The following SETBP1 variants were observed in gnomAD, a reference collection of about 807,000 sequenced individuals.
SETBP1 encodes SET-binding protein.
In SETBP1, 9 loss-of-function variants were observed where a neutral mutation model predicts 101.0. That is an observed-to-expected ratio of 0.09 (90% confidence interval 0.05 to 0.16). The LOEUF (loss-of-function observed/expected upper bound fraction) is 0.16. Ranked by LOEUF, SETBP1 falls within the 10% of genes least tolerant of loss-of-function variation. SETBP1 has a pLI of 1.00. For missense variants in SETBP1, 1,858 were observed against 2,033.8 expected (o/e 0.91, Z 1.66); for synonymous variants, 818 against 788.5 (o/e 1.04, Z -0.63).
chr18:44,685,282 T>C (rs1177137247), intron 1 of SETBP1, among the ~76,000 whole-genome samples: 1 of 152,262 alleles, frequency 6.6e-6, no homozygotes, highest in Non-Finnish European at 1.5e-5. Flanking sequence ...GTCCAACTTA[T>C]CTTTTCCCAC....
At chr18:44,913,215 G>T (rs970908213) in intron 3 of SETBP1, among the ~76,000 whole-genome samples, 2 of 152,122 alleles carry the variant, frequency 1.3e-5, no homozygotes, top group African/African-American at 4.8e-5. Flanking sequence ...CTTCCCATAC[G>T]CCCACAGAAC....
chr18:44,928,554 A>G (rs898311467), intron 3 of SETBP1, among the ~76,000 whole-genome samples: 17 of 152,228 alleles, frequency 1.1e-4, no homozygotes, highest in Admixed American at 2.6e-4. Flanking sequence ...CAACAGTGTA[A>G]AAGCATTCCT....
At chr18:44,867,939 A>G (rs760805147) in intron 2 of SETBP1, among the ~76,000 whole-genome samples, 4 of 152,220 alleles carry the variant, frequency 2.6e-5, no homozygotes, top group Non-Finnish European at 4.4e-5. Flanking sequence ...TACAGCAAAC[A>G]TGAAGTCTTT....
chr18:45,061,931 T>G (rs2073896659), intron 5 of SETBP1, among the ~76,000 whole-genome samples: 1 of 152,222 alleles, frequency 6.6e-6, no homozygotes, highest in Non-Finnish European at 1.5e-5. Context: ...AAGAACTCAG[T>G]GAAGACACAC....
intron 5 of SETBP1, among the ~76,000 whole-genome samples, chr18:45,053,153 A>C (rs943272900): frequency 2.0e-5 from 3 of 152,200 alleles, no homozygotes; most frequent in African/African-American, 4.8e-5. Flanking sequence ...CAGTTTTTAA[A>C]AAATGTAGCT....
intron 4 of SETBP1, among the ~76,000 whole-genome samples, chr18:44,974,397 G>A (rs1484621730): frequency 6.6e-6 from 1 of 152,202 alleles, no homozygotes; most frequent in East Asian, 1.9e-4. Flanking sequence ...AAGGAGGGGA[G>A]GGAGATGAGA....
At chr18:44,845,557 A>G (rs1427705068) in intron 2 of SETBP1, among the ~76,000 whole-genome samples, 3 of 152,118 alleles carry the variant, frequency 2.0e-5, no homozygotes, top group Admixed American at 1.3e-4. Flanking sequence ...TCAAAGGAGG[A>G]AGACTGCTGC....
intron 4 of SETBP1, among the ~76,000 whole-genome samples, chr18:44,965,284 A>AACACACAC (rs60728043): frequency 0.027 from 3,916 of 147,074 alleles, 61 homozygotes; most frequent in African/African-American, 0.034. Flanking sequence ...CATGCACACA[A>AACACACAC]ACACACACAC....
At chr18:44,783,594 CT>C (rs1009493309) in intron 2 of SETBP1, among the ~76,000 whole-genome samples, 1 of 152,160 alleles carries the variant, frequency 6.6e-6, no homozygotes, top group African/African-American at 2.4e-5. Flanking sequence ...TAAACAGAGC[CT>C]ATGCACAAAA....
intron 5 of SETBP1, among the ~76,000 whole-genome samples, chr18:45,040,448 G>A (rs895036277): frequency 6.6e-6 from 1 of 152,128 alleles, no homozygotes; most frequent in Non-Finnish European, 1.5e-5. Context: ...AAAGATTTGG[G>A]CTATTGTCTG....
chr18:45,055,878 A>G (rs1004338241), intron 5 of SETBP1, among the ~76,000 whole-genome samples: 2 of 152,218 alleles, frequency 1.3e-5, no homozygotes, highest in African/African-American at 4.8e-5. Context: ...TTTATAGGTT[A>G]TATTATTTTC....
At chr18:44,874,764 A>G (rs913345508) in intron 3 of SETBP1, among the ~76,000 whole-genome samples, 2 of 152,156 alleles carry the variant, frequency 1.3e-5, no homozygotes, top group Non-Finnish European at 2.9e-5. Context: ...AGTCCTACTC[A>G]GAGATCATCA....
intron 3 of SETBP1, chr18:44,877,344 C>T (rs867680037): frequency 1.2e-5 from 11 of 931,244 alleles, no homozygotes; most frequent in Non-Finnish European, 1.2e-5. Context: ...CATCAAAGAT[C>T]GTTTGATAAG....
intron 4 of SETBP1, among the ~76,000 whole-genome samples, chr18:44,984,188 G>A (rs1161503644): frequency 6.6e-5 from 10 of 152,142 alleles, no homozygotes; most frequent in Admixed American, 1.3e-4. Flanking sequence ...GCAAGACTCC[G>A]TCTTGGGAAA....
chr18:44,877,845 C>T (rs2069443777), intron 3 of SETBP1, among the ~76,000 whole-genome samples: 1 of 152,060 alleles, frequency 6.6e-6, no homozygotes, highest in South Asian at 2.1e-4. Context: ...TCTGGCATTT[C>T]CGTGGAATAT....
intron 2 of SETBP1, among the ~76,000 whole-genome samples, chr18:44,784,035 C>G (rs1296470247): frequency 6.6e-6 from 1 of 152,212 alleles, no homozygotes; most frequent in Non-Finnish European, 1.5e-5. Context: ...AGGTCACTGA[C>G]AGGGACTTGG....
chr18:44,824,463 C>T (rs2072189108), intron 2 of SETBP1, among the ~76,000 whole-genome samples: 1 of 152,144 alleles, frequency 6.6e-6, no homozygotes, highest in African/African-American at 2.4e-5. Flanking sequence ...TAAGGGTCCA[C>T]ATTAAAATTT....
intron 3 of SETBP1, among the ~76,000 whole-genome samples, chr18:44,904,902 C>T (rs2144849742): frequency 6.6e-6 from 1 of 152,282 alleles, no homozygotes; most frequent in African/African-American, 2.4e-5. Context: ...CTCTTCTGCT[C>T]ACATGCCACT....
intron 2 of SETBP1, among the ~76,000 whole-genome samples, chr18:44,753,871 A>G (rs2070439037): frequency 6.6e-6 from 1 of 152,106 alleles, no homozygotes; most frequent in Non-Finnish European, 1.5e-5. Context: ...GGATGGCATA[A>G]CTCTTGGGGC....
Sources: allele counts gnomAD v4.1 joint callset (sites outside exome capture counted in the v4.1 genomes callset), GRCh38; gene constraint gnomAD v4.1.1; transcripts MANE v1.5; gene names NCBI Gene and HGNC (gene_info 2026-07-23, HGNC 2026-07-21).